The following PHKB variants were observed in gnomAD, a reference collection of about 807,000 sequenced individuals.
PHKB encodes phosphorylase kinase regulatory subunit beta.
PHKB carries 122 observed loss-of-function variants against 152.1 expected under a neutral mutation model. The observed-to-expected ratio is 0.80, with a 90% CI of 0.69 to 0.93. The LOEUF (loss-of-function observed/expected upper bound fraction) is 0.93. Ranked by LOEUF, PHKB falls within the 40% of genes least tolerant of loss-of-function variation. The pLI, the probability that PHKB is intolerant of heterozygous loss-of-function variation, is 0.00. For missense variants in PHKB, 1,304 were observed against 1,328.4 expected, an observed-to-expected ratio of 0.98 and a Z score of 0.29; for synonymous variants, 436 against 464.9, an observed-to-expected ratio of 0.94 and a Z score of 0.80.
intron 1 of PHKB, among the ~76,000 whole-genome samples, chr16:47,483,929 A>G (rs761483148): frequency 4.0e-4 from 61 of 152,198 alleles, no homozygotes; most frequent in Non-Finnish European, 7.5e-4. Flanking sequence ...TGGTGAATAA[A>G]ACAATTGCCA....
At chr16:47,508,549 G>A (rs1970458210) in intron 4 of PHKB, among the ~76,000 whole-genome samples, 1 of 152,022 alleles carries the variant, frequency 6.6e-6, no homozygotes, top group Non-Finnish European at 1.5e-5. Context: ...CTAAATGAAT[G>A]TTTTAAGGCT....
intron 14 of PHKB, among the ~76,000 whole-genome samples, chr16:47,612,645 C>T (rs1050974745): frequency 4.6e-5 from 7 of 152,180 alleles, no homozygotes; most frequent in African/African-American, 1.7e-4. Context: ...GAGAAATGCT[C>T]CTCTCCTGTA....
chr16:47,505,106 A>T (rs1171508146), intron 4 of PHKB, among the ~76,000 whole-genome samples: 2 of 152,162 alleles, frequency 1.3e-5, no homozygotes, highest in African/African-American at 2.4e-5. Flanking sequence ...ACTCTTCCAA[A>T]ACCCACCCCA....
intron 13 of PHKB, among the ~76,000 whole-genome samples, chr16:47,603,957 C>T (rs1045166704): frequency 5.9e-5 from 9 of 152,174 alleles, no homozygotes; most frequent in Non-Finnish European, 1.3e-4. Flanking sequence ...CCCAAGGTTA[C>T]AGAGCTCATG....
At chr16:47,616,465 A>T (rs1040966080) in intron 14 of PHKB, among the ~76,000 whole-genome samples, 3 of 139,772 alleles carry the variant, frequency 2.1e-5, no homozygotes, top group Admixed American at 7.2e-5. Flanking sequence ...AATATATATG[A>T]TATATAATAT....
chr16:47,666,130 C>T (rs1973534845), intron 25 of PHKB: 1 of 818,622 alleles, frequency 1.2e-6, no homozygotes. Flanking sequence ...ATGTCATAGG[C>T]CTCTTACAAT....
intron 9 of PHKB, 114 bp from the exon 10 acceptor site, chr16:47,588,791 G>C: frequency 1.2e-6 from 1 of 824,328 alleles, no homozygotes. Context: ...GGAGCAGAGC[G>C]TGCTCACTTT....
intron 14 of PHKB, among the ~76,000 whole-genome samples, chr16:47,618,118 G>A (rs1447363657): frequency 6.6e-6 from 1 of 152,230 alleles, no homozygotes; most frequent in African/African-American, 2.4e-5. Context: ...CATACCTGCT[G>A]CAGCACTTTG....
intron 1 of PHKB, chr16:47,462,400 G>C (rs1346356123): frequency 6.6e-6 from 1 of 152,214 alleles, no homozygotes; most frequent in Non-Finnish European, 1.5e-5. Flanking sequence ...TTGGGAGGCC[G>C]AGGCGGGCGG....
chr16:47,465,113 G>A (rs1969645314), intron 1 of PHKB, among the ~76,000 whole-genome samples: 1 of 152,162 alleles, frequency 6.6e-6, no homozygotes, highest in South Asian at 2.1e-4. Context: ...AACTCTTTAA[G>A]GAACTAAAAT....
intron 1 of PHKB, among the ~76,000 whole-genome samples, chr16:47,469,318 G>T (rs761541276): frequency 2.6e-5 from 4 of 152,072 alleles, no homozygotes; most frequent in Non-Finnish European, 5.9e-5. Flanking sequence ...CTTACAAACT[G>T]TGAACTCAAT....
chr16:47,563,714 A>C (rs954586713), intron 7 of PHKB, among the ~76,000 whole-genome samples: 1 of 152,106 alleles, frequency 6.6e-6, no homozygotes, highest in Non-Finnish European at 1.5e-5. Context: ...TACATGGATG[A>C]ATTTTATACT....
chr16:47,642,783 A>G (rs1484072390), intron 16 of PHKB, among the ~76,000 whole-genome samples: 2 of 152,144 alleles, frequency 1.3e-5, no homozygotes, highest in Admixed American at 6.5e-5. Flanking sequence ...ACCTTCTCCA[A>G]TAAATTTAAC....
At chr16:47,608,433 CTT>C (rs1972367041) in intron 13 of PHKB, among the ~76,000 whole-genome samples, 1 of 152,154 alleles carries the variant, frequency 6.6e-6, no homozygotes, top group African/African-American at 2.4e-5. Context: ...AATAAAAAAA[CTT>C]TTTTTGGCTG....
intron 20 of PHKB, among the ~76,000 whole-genome samples, chr16:47,653,425 A>T (rs1421771525): frequency 6.6e-6 from 1 of 152,130 alleles, no homozygotes; most frequent in Admixed American, 6.5e-5. Context: ...GAACTTTTGG[A>T]CCCAGTCTTC....
intron 23 of PHKB, 47 bp downstream of exon 23, chr16:47,661,847 C>A: frequency 1.7e-6 from 2 of 1,147,154 alleles, no homozygotes; most frequent in Non-Finnish European, 2.7e-6. Flanking sequence ...CCTCTCTAGC[C>A]TTGAACATAT....
rs896446361 is a variant in PHKB at position 47,641,674 on chromosome 16, T to A, written c.1590T>A (p.Pro530=). The change falls in exon 16 of 31, where the codon CCT becomes CCA. Residue 530 remains proline, a synonymous_variant. Coordinates refer to ENST00000323584, the MANE Select transcript of PHKB (RefSeq NM_000293.3). ...AAGTAGAACCCATTCAGATATGGCC[T>A]CAGCAGGAGCTTGTGAAAGTAAGTG... ...PQQVEPIQIW[P]QQELVKAYLQ... is the part of the protein sequence containing the mutation. 2 of 1,586,500 alleles carry A rather than the reference T, an allele frequency of 1.3e-6. No individual in the cohort carries two copies. The highest frequency in any genetic ancestry group is 1.7e-6 in the Non-Finnish European group (2 of 1,154,808).
In PHKB at chr16:47,677,290, C is replaced by T. The variant is rs372089508; in HGVS notation, c.2630+7873C>T. On this transcript the variant is annotated intron_variant, in intron 26 of 30. Coordinates refer to ENST00000323584, the MANE Select transcript of PHKB (RefSeq NM_000293.3). ...ACCAAACAGATAGCTCAGTTTGCCT[C>T]ATCAAATTGTATTCCTCTCCATATT... 2.6e-4 allele frequency among the ~76,000 whole-genome samples: 40 copies of T among 152,270 alleles called. 1 individual carries two copies. The East Asian group carries it at 6.6e-3, about 25-fold the overall frequency.
intron 3 of PHKB, among the ~76,000 whole-genome samples, chr16:47,501,369 C>T (rs1386079575): frequency 6.6e-6 from 1 of 152,036 alleles, no homozygotes; most frequent in Non-Finnish European, 1.5e-5. Flanking sequence ...ATACAACAGC[C>T]AAATGCAATA....
Sources: allele counts gnomAD v4.1 joint callset (sites outside exome capture counted in the v4.1 genomes callset), GRCh38; gene constraint gnomAD v4.1.1; transcripts MANE v1.5; gene names NCBI Gene and HGNC (gene_info 2026-07-23, HGNC 2026-07-21).